FSTL4: variants seen among roughly 807,000 people sequenced by gnomAD.
FSTL4 encodes the protein follistatin-related protein 4.
Under a neutral mutation model 78.2 loss-of-function variants are expected in FSTL4, and 28 were observed. The ratio of observed to expected loss-of-function variants is 0.36; its 90% CI spans 0.27 to 0.49. FSTL4 has a LOEUF of 0.49. FSTL4 is among the 20% of genes least tolerant of loss of function. FSTL4 has a pLI of 0.98. For synonymous variants in FSTL4, 422 were observed against 440.5 expected (o/e 0.96, Z 0.53); for missense variants, 922 against 1,084.9 (o/e 0.85, Z 2.11).
intron 3 of FSTL4, among the ~76,000 whole-genome samples, chr5:133,453,949 A>T (rs541476884): frequency 6.6e-6 from 1 of 152,372 alleles, no homozygotes; most frequent in South Asian, 2.1e-4. Context: ...GCAACACAGC[A>T]GCTGTCAGAA....
chr5:133,776,689 G>A, the FSTL4 span, among the ~76,000 whole-genome samples: 3 of 152,292 alleles, frequency 2.0e-5, no homozygotes, highest in East Asian at 3.9e-4. Flanking sequence ...TGATCACACC[G>A]AGTACTTACC....
intron 3 of FSTL4, among the ~76,000 whole-genome samples, chr5:133,528,604 C>T (rs700706): frequency 0.37 from 55,732 of 152,006 alleles, 10,420 homozygotes; most frequent in East Asian, 0.42. Context: ...GAGCCTGGCA[C>T]GCTCCTCTGT....
the FSTL4 span, among the ~76,000 whole-genome samples, chr5:133,757,383 G>T: frequency 6.6e-6 from 1 of 152,140 alleles, no homozygotes; most frequent in African/African-American, 2.4e-5. Context: ...GTGCATCTCA[G>T]TTTGAACCAG....
intron 5 of FSTL4, among the ~76,000 whole-genome samples, chr5:133,315,413 T>C (rs1753881059): frequency 6.6e-6 from 1 of 152,204 alleles, no homozygotes; most frequent in Admixed American, 6.5e-5. Flanking sequence ...TAATCATAGG[T>C]CAAGGGCCTA....
At chr5:133,502,178 T>G (rs938679717) in intron 3 of FSTL4, among the ~76,000 whole-genome samples, 3 of 152,192 alleles carry the variant, frequency 2.0e-5, no homozygotes, top group African/African-American at 7.2e-5. Flanking sequence ...GGTACTTTGT[T>G]ACAGCAGCCC....
intron 6 of FSTL4, among the ~76,000 whole-genome samples, chr5:133,286,836 T>A (rs1341500683): frequency 6.6e-6 from 1 of 152,240 alleles, no homozygotes; most frequent in East Asian, 1.9e-4. Context: ...CTGGAAGTTT[T>A]AAGACACACT....
intron 13 of FSTL4, among the ~76,000 whole-genome samples, chr5:133,213,239 G>A (rs1234356005): frequency 1.3e-5 from 2 of 152,202 alleles, no homozygotes; most frequent in African/African-American, 2.4e-5. Context: ...CTGACCTCAG[G>A]TGATCCACCT....
chr5:133,263,705 A>G (rs1258003035), intron 6 of FSTL4, among the ~76,000 whole-genome samples: 1 of 152,214 alleles, frequency 6.6e-6, no homozygotes, highest in African/African-American at 2.4e-5. Context: ...ATGGGATGGT[A>G]GACAGAAGGT....
chr5:133,815,089 C>T, the FSTL4 span, among the ~76,000 whole-genome samples: 1 of 152,120 alleles, frequency 6.6e-6, no homozygotes, highest in Non-Finnish European at 1.5e-5. Flanking sequence ...GGTTGAAAAC[C>T]ACCACTCTAG....
intron 6 of FSTL4, among the ~76,000 whole-genome samples, chr5:133,273,052 G>A (rs943619863): frequency 2.6e-5 from 4 of 152,234 alleles, no homozygotes; most frequent in Admixed American, 6.5e-5. Flanking sequence ...GGGGGCCAGC[G>A]CTGGGCATAG....
At chr5:133,794,133 GC>G in the FSTL4 span, among the ~76,000 whole-genome samples, 2 of 150,434 alleles carry the variant, frequency 1.3e-5, no homozygotes, top group African/African-American at 4.9e-5. Context: ...CAGATGCACT[GC>G]CATTCTGGGC....
chr5:133,375,311 T>TATATATATATATATATATATATATATAA (rs1298027325), intron 4 of FSTL4, among the ~76,000 whole-genome samples: 14 of 138,512 alleles, frequency 1.0e-4, no homozygotes, highest in Admixed American at 5.4e-4. Flanking sequence ...TATATATATA[T>TATATATATATATATATATATATATATAA]AAAAGACTCT....
chr5:133,721,113 C>T, the FSTL4 span, among the ~76,000 whole-genome samples: 1 of 152,164 alleles, frequency 6.6e-6, no homozygotes. Flanking sequence ...GTTTGTTAGC[C>T]ACTCACATAT....
At chr5:133,395,938 C>T (rs1756031042) in intron 4 of FSTL4, among the ~76,000 whole-genome samples, 1 of 152,162 alleles carries the variant, frequency 6.6e-6, no homozygotes, top group Non-Finnish European at 1.5e-5. Flanking sequence ...ACCTGATTCT[C>T]CCCTTGCTTT....
intron 4 of FSTL4, among the ~76,000 whole-genome samples, chr5:133,362,579 T>C (rs539530094): frequency 5.5e-4 from 84 of 152,368 alleles, no homozygotes; most frequent in African/African-American, 1.9e-3. Flanking sequence ...TCCCTGTCTA[T>C]GCGTTCAGGA....
chr5:133,796,377 G>A, the FSTL4 span, among the ~76,000 whole-genome samples: 1 of 152,188 alleles, frequency 6.6e-6, no homozygotes, highest in Non-Finnish European at 1.5e-5. Context: ...TTCTGCAAGG[G>A]CAGAGGGCCA....
intron 6 of FSTL4, among the ~76,000 whole-genome samples, chr5:133,274,641 G>A (rs935082032): frequency 2.6e-5 from 4 of 152,084 alleles, no homozygotes; most frequent in African/African-American, 7.2e-5. Context: ...TGCTCAGACC[G>A]CCCACGTGAC....
intron 3 of FSTL4, among the ~76,000 whole-genome samples, chr5:133,505,756 G>A (rs1381641307): frequency 6.6e-6 from 1 of 152,228 alleles, no homozygotes; most frequent in African/African-American, 2.4e-5. Context: ...GATAAATTAA[G>A]GTTCCTACTA....
chr5:133,507,611 C>T (rs1758635856), intron 3 of FSTL4, among the ~76,000 whole-genome samples: 1 of 151,430 alleles, frequency 6.6e-6, no homozygotes, highest in Admixed American at 6.6e-5. Flanking sequence ...CAACCTCCAC[C>T]TCCTGGGTTC....
Sources: allele counts gnomAD v4.1 joint callset (sites outside exome capture counted in the v4.1 genomes callset), GRCh38; gene constraint gnomAD v4.1.1; transcripts MANE v1.5; gene names NCBI Gene and HGNC (gene_info 2026-07-23, HGNC 2026-07-21).